Variants in CP observed in about 807,000 individuals in gnomAD.
The protein encoded by CP is ceruloplasmin.
CP carries 64 observed loss-of-function variants against 122.4 expected under a neutral mutation model. That is an observed-to-expected ratio of 0.52 (90% CI 0.43 to 0.64). The LOEUF (loss-of-function observed/expected upper bound fraction) is 0.64. Ranked by LOEUF, CP falls within the 30% of genes least tolerant of loss-of-function variation. CP has a pLI of 0.00. For missense variants in CP, 1,167 were observed against 1,284.4 expected (o/e 0.91, Z 1.40); for synonymous variants, 440 against 436.4 (o/e 1.01, Z -0.10).
chr3:149,191,540 A>G (rs1726550737), intron 9 of CP, among the ~76,000 whole-genome samples: 1 of 152,034 alleles, frequency 6.6e-6, no homozygotes, highest in Admixed American at 6.5e-5. Flanking sequence ...ATAAACAGAG[A>G]TGTTCTCATT....
At chr3:149,166,246 G>A (rs1724400795) in intron 4 of CP, among the ~76,000 whole-genome samples, 2 of 152,198 alleles carry the variant, frequency 1.3e-5, no homozygotes, top group Admixed American at 1.3e-4. Context: ...TTGTGACAAA[G>A]TGGTATTGAT....
intron 18 of CP, among the ~76,000 whole-genome samples, chr3:149,175,750 C>T (rs537357143): frequency 5.3e-5 from 8 of 150,910 alleles, no homozygotes; most frequent in African/African-American, 2.0e-4. Flanking sequence ...AATTTTGTTT[C>T]TTCCCTGGAT....
At chr3:149,209,096 T>C (rs1240092296) in intron 4 of CP, 115 bp downstream of exon 4, 6 of 1,341,184 alleles carry the variant, frequency 4.5e-6, no homozygotes, top group Middle Eastern at 1.9e-4. Flanking sequence ...ATATGCTTTG[T>C]TATAAGGACC....
At chr3:149,171,650 C>T (rs1193971121), downstream of CP, among the ~76,000 whole-genome samples, 1 of 150,508 alleles carries the variant, frequency 6.6e-6, no homozygotes, top group Non-Finnish European at 1.5e-5. Flanking sequence ...ATTTAAGAGA[C>T]TGATTTTTTT....
chr3:149,189,218 G>C (rs1726381746), intron 9 of CP, among the ~76,000 whole-genome samples: 1 of 152,092 alleles, frequency 6.6e-6, no homozygotes, highest in African/African-American at 2.4e-5. Context: ...ATTAGTAATG[G>C]AGATCTGTAC....
At chr3:149,186,123 T>C (rs1726153902) in intron 11 of CP, 2 of 275,676 alleles carry the variant, frequency 7.3e-6, no homozygotes, top group East Asian at 9.0e-5. Flanking sequence ...GAATATTCAC[T>C]TGCAACCAAC....
intron 7 of CP, among the ~76,000 whole-genome samples, chr3:149,201,204 A>G (rs969806328): frequency 6.6e-6 from 1 of 152,004 alleles, no homozygotes; most frequent in African/African-American, 2.4e-5. Context: ...GCTCACTGTA[A>G]GCTCCGCCTC....
At chr3:149,210,881 C>T (rs1300074421) in intron 2 of CP, among the ~76,000 whole-genome samples, 1 of 152,136 alleles carries the variant, frequency 6.6e-6, no homozygotes, top group South Asian at 2.1e-4. Context: ...TTCATCTGTA[C>T]CCCCACACAC....
intron 13 of CP, among the ~76,000 whole-genome samples, chr3:149,182,812 G>A (rs11921705): frequency 0.15 from 22,393 of 152,060 alleles, 3,035 homozygotes; most frequent in African/African-American, 0.37. Flanking sequence ...GTAAATAGCT[G>A]TAATTTGAGA....
intron 12 of CP, among the ~76,000 whole-genome samples, chr3:149,184,981 G>A (rs1291982944): frequency 6.6e-6 from 1 of 152,156 alleles, no homozygotes; most frequent in African/African-American, 2.4e-5. Flanking sequence ...ATGAATGTGA[G>A]AAGACACTCC....
chr3:149,207,684 A>G lies in CP; in HGVS notation c.782-67T>C, dbSNP rs1727840821. The G allele has an allele frequency of 3.9e-6, 6 of 1,540,992 alleles. No individual in the cohort carries two copies. In the African/African-American group the frequency reaches 6.8e-5, roughly 17 times the overall value. ...GCTTGAGATAGTGAGAGTTACCTCT[A>G]TATAAATAGAATCAATTTGGAATGG... On this transcript the variant is annotated intron_variant, in intron 4 of 18. Transcript: ENST00000264613.
intron 1 of CP, among the ~76,000 whole-genome samples, chr3:149,214,631 C>T (rs917157878): frequency 3.9e-5 from 6 of 152,066 alleles, no homozygotes; most frequent in South Asian, 2.1e-4. Flanking sequence ...TTTGTTTTCA[C>T]TTTCTAATTG....
At chr3:149,188,028 A>T in intron 10 of CP, 24 bp downstream of exon 10, 2 of 1,610,952 alleles carry the variant, frequency 1.2e-6, no homozygotes, top group Non-Finnish European at 8.5e-7. Context: ...AACTTGGTAG[A>T]TTGGTGGATG....
At chr3:149,172,355 C>A, downstream of CP, 1 of 619,318 alleles carries the variant, frequency 1.6e-6, no homozygotes. Flanking sequence ...CACACACACA[C>A]ATATATGATA....
chr3:149,186,530 AG>A lies in CP; in HGVS notation c.2066del (p.Pro689LeufsTer21), dbSNP rs386134147. Reference protein sequence around the residue: ...PQTSLTLHMWPDTEGTFNVEC... With the variant: ...PQTSLTLHMWXDTEGTFNVEC... ...TTTAAGTAAATATACCCTCTGTGTC[AG>A]GCCACATGTGGAGCGTAAGACTTGT... On this transcript the variant is annotated frameshift_variant, in exon 11 of 19. Coordinates refer to ENST00000264613, the MANE Select transcript of CP (RefSeq NM_000096.4). LOFTEE classifies it high-confidence loss of function. 9.7e-5 allele frequency: 156 copies of A among 1,614,030 alleles called. No individual in the cohort carries two copies. Among genetic ancestry groups the A allele is most frequent in the Non-Finnish European group, 1.3e-4 (155 of 1,179,978 alleles).
At position 149,190,530 on chromosome 3, in the gene CP, C is replaced by T. The variant is rs552349389; in HGVS notation, c.1714-2328G>A. Reference sequence around the variant, plus strand: ...AAAATTAGCCAGGTGTGGTGGCAGGCGCCTGTAGTCCCAGCTACTCAGGAG... The same window carrying T: ...AAAATTAGCCAGGTGTGGTGGCAGGTGCCTGTAGTCCCAGCTACTCAGGAG... On this transcript the variant is annotated intron_variant, in intron 9 of 18. Transcript: ENST00000264613. Among the ~76,000 whole-genome samples, 11 of 151,868 alleles carry T rather than the reference C, an allele frequency of 7.2e-5. No individual in the cohort carries two copies. The East Asian group carries it at 2.1e-3, about 29-fold the overall frequency.
intron 5 of CP, 94 bp downstream of exon 5, chr3:149,207,269 C>T (rs1576773928): frequency 6.6e-7 from 1 of 1,507,894 alleles, no homozygotes; most frequent in Non-Finnish European, 9.2e-7. Context: ...CAGTTCAAAG[C>T]TCAGATTATT....
chr3:149,185,531 C>T, intron 11 of CP, 85 bp from the exon 12 acceptor site: 1 of 1,262,396 alleles, frequency 7.9e-7, no homozygotes, highest in Non-Finnish European at 1.1e-6. Flanking sequence ...ATGCTGAAGT[C>T]CTTATCATGG....
intron 6 of CP, among the ~76,000 whole-genome samples, chr3:149,205,967 T>C (rs1258401221): frequency 6.6e-6 from 1 of 152,216 alleles, no homozygotes; most frequent in Non-Finnish European, 1.5e-5. Context: ...TGATAACTTT[T>C]GAACCCATCT....
Sources: gnomAD v4.1 joint callset for allele counts (sites outside exome capture counted in the v4.1 genomes callset) on GRCh38, gnomAD v4.1.1 for gene constraint, MANE v1.5 for transcripts, NCBI Gene and HGNC (gene_info 2026-07-23, HGNC 2026-07-21) for gene names.